NEDD4L: variants seen among roughly 807,000 people sequenced by gnomAD.
NEDD4L encodes E3 ubiquitin-protein ligase NEDD4-like.
Under a neutral mutation model 148.9 loss-of-function variants are expected in NEDD4L, and 54 were observed. The observed-to-expected ratio is 0.36, with a 90% CI of 0.29 to 0.45. The LOEUF (loss-of-function observed/expected upper bound fraction) is 0.45. NEDD4L is among the 20% of genes least tolerant of loss of function. The pLI is 1.00. For synonymous variants in NEDD4L, 433 were observed against 440.7 expected (o/e 0.98, Z 0.22); for missense variants, 856 against 1,233.8 (o/e 0.69, Z 4.59).
At position 58,178,273 on chromosome 18, in the gene NEDD4L, G is replaced by T. The variant is rs564646834; in HGVS notation, c.122+12412G>T. ...GCTAGCATTGACTTTCTGGGCCAGG[G>T]AATGGGGTTCCTAGATAGTGCAGTA... is the stretch of plus-strand genomic sequence containing the variant. On this transcript the variant is annotated intron_variant, in intron 2 of 30. Coordinates refer to ENST00000400345, the MANE Select transcript of NEDD4L (RefSeq NM_001144967.3). Among the ~76,000 whole-genome samples the T allele has an allele frequency of 7.2e-4, 109 of 152,310 alleles. 4 individuals carry two copies. The South Asian group carries it at 0.021, about 29-fold the overall frequency.
chr18:58,363,532 G>A (rs2045753825), intron 19 of NEDD4L, among the ~76,000 whole-genome samples: 1 of 152,156 alleles, frequency 6.6e-6, no homozygotes. Context: ...TTACAAGGTA[G>A]CAAATAAAGA....
intron 2 of NEDD4L, chr18:58,195,523 G>T: frequency 7.4e-7 from 1 of 1,343,134 alleles, no homozygotes; most frequent in Non-Finnish European, 9.8e-7. Flanking sequence ...GCCCTACCTG[G>T]GCGGGAGCGG....
At chr18:58,073,781 A>G (rs543442592) in intron 1 of NEDD4L, among the ~76,000 whole-genome samples, 28 of 152,300 alleles carry the variant, frequency 1.8e-4, no homozygotes, top group African/African-American at 6.5e-4. Flanking sequence ...GCTAATGGTG[A>G]TAGATGCATA....
chr18:58,379,637 C>T (rs1439690964), intron 24 of NEDD4L, among the ~76,000 whole-genome samples: 11 of 152,308 alleles, frequency 7.2e-5, no homozygotes, highest in Middle Eastern at 3.4e-3. Flanking sequence ...TCTGGGGCAT[C>T]GGCCAGTGGC....
intron 1 of NEDD4L, among the ~76,000 whole-genome samples, chr18:58,078,574 T>C (rs115110329): frequency 2.1e-4 from 32 of 152,288 alleles, no homozygotes; most frequent in African/African-American, 7.5e-4. Flanking sequence ...GACTCCACAG[T>C]GAATGGCTTT....
At chr18:58,165,904 T>G (rs776805874) in intron 2 of NEDD4L, 43 bp downstream of exon 2, 15 of 1,494,208 alleles carry the variant, frequency 1.0e-5, no homozygotes, top group Non-Finnish European at 1.3e-5. Flanking sequence ...TCTGAAAAAT[T>G]GACAAGCAGT....
At chr18:58,190,802 TC>T (rs1249165896) in intron 2 of NEDD4L, among the ~76,000 whole-genome samples, 3 of 152,220 alleles carry the variant, frequency 2.0e-5, no homozygotes, top group Non-Finnish European at 4.4e-5. Context: ...TTTAAATCTG[TC>T]TTTTTCTGCC....
chr18:58,057,251 G>GTT (rs5825258), intron 1 of NEDD4L, among the ~76,000 whole-genome samples: 35 of 148,036 alleles, frequency 2.4e-4, no homozygotes, highest in South Asian at 4.3e-4. Context: ...CTGAAAGGAG[G>GTT]TTTTTTTTTT....
intron 1 of NEDD4L, among the ~76,000 whole-genome samples, chr18:58,153,166 T>G (rs1381844228): frequency 6.6e-6 from 1 of 152,088 alleles, no homozygotes; most frequent in Non-Finnish European, 1.5e-5. Context: ...GATTCCTGTC[T>G]TTGCATAACC....
At chr18:58,088,072 C>T (rs1178070452) in intron 1 of NEDD4L, among the ~76,000 whole-genome samples, 3 of 152,168 alleles carry the variant, frequency 2.0e-5, no homozygotes, top group South Asian at 2.1e-4. Context: ...AAGTTGGTGC[C>T]GTTGCTGGCA....
intron 13 of NEDD4L, among the ~76,000 whole-genome samples, chr18:58,338,218 T>G (rs1390318722): frequency 6.6e-6 from 1 of 152,252 alleles, no homozygotes; most frequent in African/African-American, 2.4e-5. Flanking sequence ...AATGTTAAAC[T>G]AAGTCGCCAT....
intron 1 of NEDD4L, among the ~76,000 whole-genome samples, chr18:58,078,100 T>G (rs1289044464): frequency 1.3e-5 from 2 of 150,476 alleles, no homozygotes; most frequent in Non-Finnish European, 3.0e-5. Flanking sequence ...AAGTAAAAAC[T>G]AAAATGACAA....
chr18:58,156,769 TC>T (rs899034919), intron 1 of NEDD4L, among the ~76,000 whole-genome samples: 4 of 152,138 alleles, frequency 2.6e-5, no homozygotes, highest in Admixed American at 6.5e-5. Flanking sequence ...GCATGCTCGC[TC>T]CTTGGGTGAG....
At chr18:58,231,142 A>C (rs1385182516) in intron 2 of NEDD4L, among the ~76,000 whole-genome samples, 1 of 151,042 alleles carries the variant, frequency 6.6e-6, no homozygotes, top group Non-Finnish European at 1.5e-5. Flanking sequence ...CCAGCTACTC[A>C]CAGGGGCTGA....
At position 58,172,951 on chromosome 18, in the gene NEDD4L, A is replaced by T. The variant is rs576305287; in HGVS notation, c.122+7090A>T. ...TTGAGGGGTACCTTTTTGTGTTAGCAGATTTAAAGAGCTGGCCATTGTATT... is the reference window on the plus strand; with the variant it reads ...TTGAGGGGTACCTTTTTGTGTTAGCTGATTTAAAGAGCTGGCCATTGTATT... On this transcript the variant is annotated intron_variant, in intron 2 of 30. Coordinates refer to ENST00000400345, the MANE Select transcript of NEDD4L (RefSeq NM_001144967.3). Among the ~76,000 whole-genome samples, 144 of 152,228 alleles carry T rather than the reference A, an allele frequency of 9.5e-4. 1 individual carries two copies. Among genetic ancestry groups the T allele is most frequent in the Non-Finnish European group, 1.3e-3 (89 of 68,040 alleles).
chr18:58,117,522 A>G (rs1352753644), intron 1 of NEDD4L, among the ~76,000 whole-genome samples: 1 of 152,198 alleles, frequency 6.6e-6, no homozygotes, highest in African/African-American at 2.4e-5. Context: ...GTCTGTATGT[A>G]TGAAAACCAT....
At chr18:58,150,537 A>C (rs773780749) in intron 1 of NEDD4L, among the ~76,000 whole-genome samples, 1 of 152,222 alleles carries the variant, frequency 6.6e-6, no homozygotes, top group Non-Finnish European at 1.5e-5. Flanking sequence ...TTTTTTGATA[A>C]ATTTTAAACT....
Position 58,136,558 on chromosome 18 carries a change from G to A in NEDD4L, c.49-29230G>A, listed in dbSNP as rs532795208. Among the ~76,000 whole-genome samples the A allele has an allele frequency of 1.8e-4, 28 of 152,278 alleles. No individual in the cohort carries two copies. In the South Asian group the frequency reaches 5.6e-3, roughly 30 times the overall value. ...AGGAGCTACTGACTGTGACTACAGT[G>A]GATATTCACAAAAGAAGGACCTCAG... is the stretch of plus-strand genomic sequence containing the variant. On this transcript the variant is annotated intron_variant, in intron 1 of 30. Coordinates refer to ENST00000400345, the MANE Select transcript of NEDD4L (RefSeq NM_001144967.3).
At position 58,256,264 on chromosome 18, in the gene NEDD4L, C is replaced by G. The variant is rs1315164454; in HGVS notation, c.297+4210C>G. ...ACGTGCGCCAGGTGAGGCTGCTGCC[C>G]CTGGGCCCCGATGGCCAGGGCGGCC... On this transcript the variant is annotated intron_variant, in intron 5 of 30. Coordinates refer to ENST00000400345, the MANE Select transcript of NEDD4L (RefSeq NM_001144967.3). This position sits in a 1 kb window ranked among gnomAD's most constrained non-coding sequence, Gnocchi z 5.2. The G allele has an allele frequency of 8.1e-7, 1 of 1,230,956 alleles. No homozygotes were observed. Among genetic ancestry groups the G allele is most frequent in the African/African-American group, 1.6e-5 (1 of 64,384 alleles). 76.3% of individuals were successfully genotyped at this position (1,230,956 alleles called of 1,614,324 possible).
Sources: gnomAD v4.1 joint callset for allele counts (sites outside exome capture counted in the v4.1 genomes callset) on GRCh38, gnomAD v4.1.1 for gene constraint, Gnocchi (gnomAD v3.1) non-coding constraint, MANE v1.5 for transcripts, NCBI Gene and HGNC (gene_info 2026-07-23, HGNC 2026-07-21) for gene names.